The following C7 variants were observed in gnomAD, a reference collection of about 807,000 sequenced individuals.
C7 encodes the protein complement component C7.
C7 carries 83 observed loss-of-function variants against 104.8 expected under a neutral mutation model. That is an observed-to-expected ratio of 0.79 (90% confidence interval 0.66 to 0.95). The LOEUF is 0.95. C7 is among the 40% of genes least tolerant of loss of function. The pLI, the probability that C7 is intolerant of heterozygous loss-of-function variation, is 0.00. For missense variants in C7, 1,070 were observed against 1,011.2 expected (o/e 1.06, Z -0.79); for synonymous variants, 415 against 360.6 (o/e 1.15, Z -1.71).
At chr5:40,918,837 A>G (rs1384822821) in intron 1 of C7, among the ~76,000 whole-genome samples, 1 of 152,148 alleles carries the variant, frequency 6.6e-6, no homozygotes, top group Non-Finnish European at 1.5e-5. Context: ...AGATTGCAAT[A>G]CAATTATAGT....
chr5:40,972,291 T>C, intron 14 of C7, 112 bp from the exon 15 acceptor site: 2 of 836,244 alleles, frequency 2.4e-6, no homozygotes, highest in Non-Finnish European at 3.9e-6. Context: ...TCTTCCTCCT[T>C]GTCCTCTAAT....
chr5:40,963,127 A>G (rs904559916), intron 13 of C7, among the ~76,000 whole-genome samples: 1 of 152,178 alleles, frequency 6.6e-6, no homozygotes, highest in East Asian at 1.9e-4. Flanking sequence ...TTAGCAAACC[A>G]TGAGGCTGCT....
intron 9 of C7, among the ~76,000 whole-genome samples, chr5:40,955,141 T>C (rs2111654502): frequency 6.6e-6 from 1 of 152,272 alleles, no homozygotes; most frequent in East Asian, 1.9e-4. Flanking sequence ...ACTCTTGATA[T>C]TGAACATTTA....
At chr5:40,976,123 C>T (rs575844809) in intron 15 of C7, among the ~76,000 whole-genome samples, 3 of 152,292 alleles carry the variant, frequency 2.0e-5, no homozygotes, top group Admixed American at 6.5e-5. Flanking sequence ...ATTTTATTAA[C>T]GTAATGACCT....
intron 17 of C7, 122 bp from the exon 18 acceptor site, chr5:40,981,270 T>C (rs1740934983): frequency 1.1e-6 from 1 of 920,218 alleles, no homozygotes; most frequent in Non-Finnish European, 1.7e-6. Flanking sequence ...GATAATTTAT[T>C]ATGTCATTCC....
intron 9 of C7, among the ~76,000 whole-genome samples, chr5:40,954,552 G>T (rs1482944432): frequency 6.6e-6 from 1 of 152,034 alleles, no homozygotes; most frequent in Non-Finnish European, 1.5e-5. Flanking sequence ...AATATCATCT[G>T]CTCTCAGGCA....
At chr5:40,911,815 T>G (rs1333252775) in intron 1 of C7, among the ~76,000 whole-genome samples, 1 of 150,760 alleles carries the variant, frequency 6.6e-6, no homozygotes, top group East Asian at 2.0e-4. Flanking sequence ...CTCTGCTCAC[T>G]CCAACTTCCG....
chr5:40,984,058 G>A lies in C7; in HGVS notation c.*2485G>A, dbSNP rs138107886. Among the ~76,000 whole-genome samples the A allele has an allele frequency of 2.6e-5, 4 of 152,286 alleles. No homozygotes were observed. Among genetic ancestry groups the A allele is most frequent in the African/African-American group, 9.6e-5 (4 of 41,570 alleles). On this transcript the variant is annotated 3_prime_UTR_variant, in exon 18 of 18. Coordinates refer to ENST00000313164, the MANE Select transcript of C7 (RefSeq NM_000587.4). ...ATCATCGCTTACCACTCATGAGGAC[G>A]CTACAAGTTACCTGGGCAGAGAAGG...
chr5:40,947,577 C>G, intron 7 of C7, 25 bp from the exon 8 acceptor site: 1 of 1,611,268 alleles, frequency 6.2e-7, no homozygotes, highest in South Asian at 1.1e-5. Context: ...CCTAAAACTC[C>G]TTGTACTCTT....
chr5:40,934,043 A>G (rs577554696), intron 3 of C7, among the ~76,000 whole-genome samples: 88 of 146,132 alleles, frequency 6.0e-4, no homozygotes, highest in Admixed American at 3.1e-3. Flanking sequence ...AAGATTCACT[A>G]ACATCATTTT....
At chr5:40,964,142 A>G (rs1470093323) in intron 13 of C7, among the ~76,000 whole-genome samples, 3 of 141,244 alleles carry the variant, frequency 2.1e-5, no homozygotes, top group Non-Finnish European at 4.5e-5. Flanking sequence ...CCCCAGGTTC[A>G]GGTGATTCTC....
At chr5:40,918,851 G>GTATTGCAATACAATTATAGTAGGT (rs1579837027) in intron 1 of C7, among the ~76,000 whole-genome samples, 2 of 151,904 alleles carry the variant, frequency 1.3e-5, no homozygotes, top group East Asian at 3.9e-4. Flanking sequence ...TTATAGTAGG[G>GTATTGCAATACAATTATAGTAGGT]TATTTCAATA....
intron 1 of C7, among the ~76,000 whole-genome samples, chr5:40,920,431 G>T (rs324062): frequency 0.26 from 38,735 of 150,544 alleles, 5,748 homozygotes; most frequent in African/African-American, 0.42. Context: ...ATGTTTAGGT[G>T]CTCCAAAGCA....
chr5:40,910,791 C>CAAAAA (rs35542606), intron 1 of C7, among the ~76,000 whole-genome samples: 1 of 88,614 alleles, frequency 1.1e-5, no homozygotes, highest in Non-Finnish European at 2.3e-5. Context: ...GACTCTCTCT[C>CAAAAA]AAAAAAAAAA....
intron 13 of C7, 39 bp from the exon 14 acceptor site, chr5:40,964,702 G>A: frequency 6.3e-7 from 1 of 1,591,998 alleles, no homozygotes. Context: ...ATGCAAAATA[G>A]ACAAACTCTT....
At chr5:40,955,934 C>T (rs1410298421) in intron 10 of C7, among the ~76,000 whole-genome samples, 3 of 152,068 alleles carry the variant, frequency 2.0e-5, no homozygotes, top group South Asian at 2.1e-4. Context: ...CTTTGTGTGG[C>T]CATGGCTTGT....
chr5:40,909,590 G>A lies in C7; in HGVS notation c.-21G>A. 1 of 1,564,696 alleles carries A rather than the reference G, an allele frequency of 6.4e-7. No individual in the cohort carries two copies. The highest frequency in any genetic ancestry group is 8.7e-7 in the Non-Finnish European group (1 of 1,144,982). ...AGAGGAAATCTTCCTCCTCTCTTCT[G>A]CCCTGAATGTTTTCCCAAACATGAA... On this transcript the variant is annotated 5_prime_UTR_variant, in exon 1 of 18. Transcript: ENST00000313164.
intron 1 of C7, among the ~76,000 whole-genome samples, chr5:40,927,937 A>G (rs1448268641): frequency 4.6e-5 from 7 of 152,156 alleles, no homozygotes; most frequent in African/African-American, 1.7e-4. Context: ...TAGCAATCCT[A>G]CTTTTGGGTA....
intron 6 of C7, among the ~76,000 whole-genome samples, chr5:40,939,477 G>T (rs1479001570): frequency 6.6e-6 from 1 of 152,186 alleles, no homozygotes; most frequent in Non-Finnish European, 1.5e-5. Flanking sequence ...CTTAGATCTG[G>T]TCTGTCAGAT....
Sources: gnomAD v4.1 joint callset for allele counts (sites outside exome capture counted in the v4.1 genomes callset) on GRCh38, gnomAD v4.1.1 for gene constraint, MANE v1.5 for transcripts, NCBI Gene and HGNC (gene_info 2026-07-23, HGNC 2026-07-21) for gene names.